The following DUS4L variants were observed in gnomAD, a reference collection of about 807,000 sequenced individuals.
The protein encoded by DUS4L is dihydrouridine synthase 4 like, also known as tRNA-dihydrouridine(20a/20b) synthase [NAD(P)+]-like.
In DUS4L, 31 loss-of-function variants were observed where a neutral mutation model predicts 33.8. That is an observed-to-expected ratio of 0.92 (90% CI 0.69 to 1.24). The LOEUF (loss-of-function observed/expected upper bound fraction) is 1.24. Ranked by LOEUF, DUS4L falls within the 50% of genes most tolerant of loss-of-function variation. The probability of loss-of-function intolerance (pLI) is 0.00; values close to 1 mark genes in which losing one functional copy is unlikely to be tolerated. For synonymous variants in DUS4L, 103 were observed against 120.3 expected (o/e 0.86, Z 0.94); for missense variants, 368 against 388.6 (o/e 0.95, Z 0.45).
intron 2 of DUS4L, among the ~76,000 whole-genome samples, chr7:107,566,743 T>C (rs1181035540): frequency 6.6e-6 from 1 of 151,568 alleles, no homozygotes; most frequent in Admixed American, 6.6e-5. Flanking sequence ...CAAAGTAACA[T>C]GTAAAAAATT....
Position 107,576,552 on chromosome 7 carries a change from A to C in DUS4L, c.666A>C (p.Leu222Phe). The C allele has an allele frequency of 6.3e-7, 1 of 1,594,226 alleles. No homozygotes were observed. Among genetic ancestry groups the C allele is most frequent in the Non-Finnish European group, 8.5e-7 (1 of 1,172,768 alleles). Residue 222 changes from leucine (L) to phenylalanine (F), a missense_variant, in exon 7 of 8, where the codon TTA (leucine) becomes TTC (phenylalanine). Coordinates refer to ENST00000265720, the MANE Select transcript of DUS4L (RefSeq NM_181581.3). ...PVIANGDIRSLKEAENVWRIT... is the reference protein window; with the variant it reads ...PVIANGDIRSFKEAENVWRIT... ...TTGCTAATGGAGACATCAGAAGCTT[A>C]AAGGAAGCAGAAAATGTGTGGCGGA...
At chr7:107,568,365 T>G (rs995961453) in intron 3 of DUS4L, among the ~76,000 whole-genome samples, 3 of 152,222 alleles carry the variant, frequency 2.0e-5, no homozygotes, top group African/African-American at 4.8e-5. Context: ...CTGGGAGTTT[T>G]TATTTTATTA....
At chr7:107,569,216 A>G (rs1306648796) in intron 3 of DUS4L, among the ~76,000 whole-genome samples, 1 of 152,196 alleles carries the variant, frequency 6.6e-6, no homozygotes, top group African/African-American at 2.4e-5. Context: ...AAATAATAAT[A>G]AAAAAAGAAA....
Position 107,577,478 on chromosome 7 carries a change from C to T in DUS4L, c.872C>T (p.Ser291Leu), listed in dbSNP as rs138805578. ...HLMYMMEKIT[S>L]RQEKRVFNAL... ...ATGTACATGATGGAAAAGATAACTT[C>T]AAGGCAGGAAAAAAGGGTATTTAAT... Residue 291 changes from serine (S) to leucine (L), a missense_variant, in exon 8 of 8, where the codon TCA becomes TTA. By Grantham distance (145) the Ser-to-Leu change is moderately radical. Coordinates refer to ENST00000265720, the MANE Select transcript of DUS4L (RefSeq NM_181581.3). The T allele has an allele frequency of 9.9e-5, 159 of 1,613,692 alleles. No individual in the cohort carries two copies. The highest frequency in any genetic ancestry group is 1.3e-4 in the Non-Finnish European group (154 of 1,179,890).
At position 107,576,611 on chromosome 7, in the gene DUS4L, G is replaced by A; in HGVS notation, c.706+19G>A. ...ACAGATGGTAAGAAATAAGTACTTG[G>A]GTTCTTTTAATTGGGGGGGGAAGAA... On this transcript the variant is annotated intron_variant, in intron 7 of 7. Coordinates refer to ENST00000265720, the MANE Select transcript of DUS4L (RefSeq NM_181581.3). The A allele has an allele frequency of 6.8e-7, 1 of 1,480,028 alleles. No individual in the cohort carries two copies. The highest frequency in any genetic ancestry group is 1.3e-5 in the South Asian group (1 of 79,928). 91.7% of individuals were successfully genotyped at this position (1,480,028 alleles called of 1,614,324 possible).
chr7:107,568,978 G>A lies in DUS4L; in HGVS notation c.116+1792G>A, dbSNP rs375579660. 2.6e-5 allele frequency among the ~76,000 whole-genome samples: 4 copies of A among 152,232 alleles called. No individual in the cohort carries two copies. The East Asian group carries it at 7.7e-4, about 29-fold the overall frequency. ...CCAGCACTTTGGGAGGCCGAGGTGG[G>A]CAGATCATTTGAGGTCAGGAGTTCG... On this transcript the variant is annotated intron_variant, in intron 3 of 7. Transcript: ENST00000265720.
Position 107,575,254 on chromosome 7 carries a change from G to A in DUS4L, c.423G>A (p.Val141=), listed in dbSNP as rs752975974. 14 of 1,610,042 alleles carry A rather than the reference G, an allele frequency of 8.7e-6. No individual in the cohort carries two copies. Among genetic ancestry groups the A allele is most frequent in the African/African-American group, 1.3e-5 (1 of 74,660 alleles). ...INKPELVQDM[V]KQVRNQVETP... ...AGCCAGAGCTTGTTCAAGACATGGT[G>A]AAACAAGTAAGAAATCAAGTGGAAA... Residue 141 remains valine (V), a synonymous_variant, in exon 6 of 8, where the codon GTG becomes GTA. Coordinates refer to ENST00000265720, the MANE Select transcript of DUS4L (RefSeq NM_181581.3).
At chr7:107,575,894 C>T (rs1805681944) in intron 6 of DUS4L, among the ~76,000 whole-genome samples, 1 of 152,158 alleles carries the variant, frequency 6.6e-6, no homozygotes, top group Admixed American at 6.5e-5. Flanking sequence ...GGTTTCGCCA[C>T]GTTGGCCAGG....
In DUS4L at chr7:107,567,153, T is replaced by TA. The variant is rs769741882; in HGVS notation, c.87dup (p.Val30SerfsTer14). The stretch of plus-strand genomic sequence containing the variant: ...GAAATGTTTCATTCTGGACAGCTGG[T>TA]AAAAGTCTGTGCCCCAATGGTTCGA... On this transcript the variant is annotated frameshift_variant, in exon 3 of 8. Coordinates refer to ENST00000265720, the MANE Select transcript of DUS4L (RefSeq NM_181581.3). LOFTEE classifies it high-confidence loss of function. The TA allele has an allele frequency of 4.2e-5, 68 of 1,613,574 alleles. No homozygotes were observed. In the South Asian group the frequency reaches 7.1e-4, roughly 17 times the overall value.
chr7:107,572,581 G>A (rs1311136736), intron 4 of DUS4L, among the ~76,000 whole-genome samples: 1 of 152,308 alleles, frequency 6.6e-6, no homozygotes, highest in African/African-American at 2.4e-5. Context: ...CAGAGGCGGT[G>A]GCTCATGCCT....
In DUS4L at chr7:107,569,898, CTTT is replaced by C. The variant is rs537744308; in HGVS notation, c.117-1246_117-1244del. Reference sequence around the variant, plus strand: ...CCTTTTGATCATATGCCTTTTGTTTCTTTATCATGCCTTATTGCACTGACTAGA... The same window carrying C: ...CCTTTTGATCATATGCCTTTTGTTTCATCATGCCTTATTGCACTGACTAGA... On this transcript the variant is annotated intron_variant, in intron 3 of 7. Transcript: ENST00000265720. Among the ~76,000 whole-genome samples the C allele has an allele frequency of 2.8e-3, 428 of 152,242 alleles. 2 individuals carry two copies. The highest frequency in any genetic ancestry group is 9.9e-3 in the African/African-American group (412 of 41,548).
intron 4 of DUS4L, 36 bp from the exon 5 acceptor site, chr7:107,573,668 C>T: frequency 6.3e-7 from 1 of 1,585,840 alleles, no homozygotes; most frequent in South Asian, 1.2e-5. Context: ...GGGTTTTTTC[C>T]TGTGAATTTT....
At chr7:107,575,038 C>T in intron 5 of DUS4L, 150 bp from the exon 6 acceptor site, 2 of 1,005,166 alleles carry the variant, frequency 2.0e-6, no homozygotes, top group Middle Eastern at 2.4e-4. Context: ...TATTGATCCA[C>T]TTAGAAATGT....
chr7:107,568,743 G>A (rs1014253314), intron 3 of DUS4L, among the ~76,000 whole-genome samples: 7 of 152,154 alleles, frequency 4.6e-5, no homozygotes, highest in African/African-American at 7.2e-5. Flanking sequence ...CCTTTATGTA[G>A]CTCCAGATCC....
rs1445692656 is a variant in DUS4L, at chr7:107,573,953, G to C, written c.356+132G>C. On this transcript the variant is annotated intron_variant, in intron 5 of 7. Transcript: ENST00000265720. ...GTTACAGTCCCAGGGCTCAAAACAAGAAGGAAGAAAATATAGGGAAATGTA... is the reference window on the plus strand; with the variant it reads ...GTTACAGTCCCAGGGCTCAAAACAACAAGGAAGAAAATATAGGGAAATGTA... The C allele has an allele frequency of 2.5e-6, 3 of 1,223,940 alleles. No homozygotes were observed. In the African/African-American group the frequency reaches 4.7e-5, roughly 19 times the overall value. 75.8% of individuals were successfully genotyped at this position (1,223,940 alleles called of 1,614,324 possible). A position where few individuals can be genotyped will look rare whatever the true frequency, so the allele number is the denominator to read the frequency against.
Position 107,575,324 on chromosome 7 carries a change from T to G in DUS4L, c.479+14T>G, listed in dbSNP as rs776196085. ...TATTAAAATAAGGTAAAGACAATAT[T>G]TCAATCTATTGATAGGATAATCCAT... On this transcript the variant is annotated intron_variant, in intron 6 of 7. Transcript: ENST00000265720. The G allele has an allele frequency of 1.2e-6, 2 of 1,607,732 alleles. No homozygotes were observed. The highest frequency in any genetic ancestry group is 4.5e-5 in the East Asian group (2 of 44,714).
chr7:107,570,892 C>T (rs569133917), intron 3 of DUS4L: 1 of 364,456 alleles, frequency 2.7e-6, no homozygotes, highest in African/African-American at 2.2e-5. Context: ...AGAGAACTCA[C>T]CACCCTGTCA....
rs917397116 is a variant in DUS4L, at chr7:107,567,845, C to G, written c.116+659C>G. 9 of 417,536 alleles carry G rather than the reference C, an allele frequency of 2.2e-5. 1 individual carries two copies. The highest frequency in any genetic ancestry group is 3.8e-5 in the Non-Finnish European group (8 of 210,762). 25.9% of individuals were successfully genotyped at this position (417,536 alleles called of 1,614,324 possible). A position where few individuals can be genotyped will look rare whatever the true frequency, so the allele number is the denominator to read the frequency against. On this transcript the variant is annotated intron_variant, in intron 3 of 7. Transcript: ENST00000265720. ...GCAACCATTATTCTACTTTCTCCCT[C>G]TATGAACTTCACTACTCTAGGTACC...
At chr7:107,570,779 G>A (rs1392762350) in intron 3 of DUS4L, 3 of 231,770 alleles carry the variant, frequency 1.3e-5, no homozygotes, top group Non-Finnish European at 2.5e-5. Context: ...TGGTCCTTTG[G>A]TTAGAGAAGG....
Sources: allele counts gnomAD v4.1 joint callset (sites outside exome capture counted in the v4.1 genomes callset), GRCh38; gene constraint gnomAD v4.1.1; transcripts MANE v1.5; gene names NCBI Gene and HGNC (gene_info 2026-07-23, HGNC 2026-07-21).